SRRM4: variants seen among roughly 807,000 people sequenced by gnomAD.
SRRM4 encodes the protein serine/arginine repetitive matrix 4, also known as serine/arginine repetitive matrix protein 4.
A neutral mutation model predicts 68.9 loss-of-function variants in SRRM4; 33 were observed. The ratio of observed to expected loss-of-function variants is 0.48; its 90% CI spans 0.36 to 0.64. The LOEUF is 0.64. Among genes scored for constraint, SRRM4 ranks in the 30% least tolerant of loss-of-function variants. The pLI, the probability that SRRM4 is intolerant of heterozygous loss-of-function variation, is 0.00. For missense variants in SRRM4, 817 were observed against 827.1 expected (o/e 0.99, Z 0.15); for synonymous variants, 318 against 318.8 (o/e 1.00, Z 0.03).
intron 1 of SRRM4, among the ~76,000 whole-genome samples, chr12:119,015,140 G>A (rs1594027521): frequency 2.0e-5 from 3 of 152,178 alleles, no homozygotes; most frequent in Admixed American, 2.0e-4. Flanking sequence ...GTGAAAAATG[G>A]CAGCCGCAGG....
chr12:119,100,178 G>A (rs1242346306), intron 1 of SRRM4, among the ~76,000 whole-genome samples: 1 of 151,966 alleles, frequency 6.6e-6, no homozygotes, highest in African/African-American at 2.4e-5. Flanking sequence ...TCTGTATGCT[G>A]CTTTAGTCAC....
At chr12:118,985,714 C>A (rs1314031330) in intron 1 of SRRM4, among the ~76,000 whole-genome samples, 1 of 152,146 alleles carries the variant, frequency 6.6e-6, no homozygotes, top group East Asian at 1.9e-4. Context: ...ACTTAATTCT[C>A]TTTTTTAATT....
At chr12:119,075,787 G>A (rs1325452732) in intron 1 of SRRM4, among the ~76,000 whole-genome samples, 4 of 133,160 alleles carry the variant, frequency 3.0e-5, no homozygotes, top group Non-Finnish European at 6.6e-5. Flanking sequence ...TGATGATAGC[G>A]ATGATGGTGA....
At chr12:119,093,102 C>T (rs1954023766) in intron 1 of SRRM4, among the ~76,000 whole-genome samples, 1 of 152,140 alleles carries the variant, frequency 6.6e-6, no homozygotes, top group African/African-American at 2.4e-5. Context: ...CTCTGATTAC[C>T]CAGTTTAAAA....
At chr12:119,111,391 A>G (rs1479757034) in intron 2 of SRRM4, among the ~76,000 whole-genome samples, 2 of 152,156 alleles carry the variant, frequency 1.3e-5, no homozygotes, top group Non-Finnish European at 2.9e-5. Context: ...ACACACCTCA[A>G]ATGTCTCCAA....
intron 1 of SRRM4, among the ~76,000 whole-genome samples, chr12:119,045,061 C>T (rs1263138726): frequency 5.9e-5 from 9 of 152,134 alleles, no homozygotes; most frequent in Admixed American, 3.9e-4. Context: ...GGGTCTGACC[C>T]GTAGAAGGTG....
chr12:119,088,947 C>A lies in SRRM4; in HGVS notation c.132-13289C>A, dbSNP rs565194098. On this transcript the variant is annotated intron_variant, in intron 1 of 12. Transcript: ENST00000267260. Reference sequence around the variant, plus strand: ...ACTTTGCGTGCATCATCTCCAGGAGCTGGACACTATCGTTATCCCAGTTTT... The same window carrying A: ...ACTTTGCGTGCATCATCTCCAGGAGATGGACACTATCGTTATCCCAGTTTT... Among the ~76,000 whole-genome samples, 4 of 152,312 alleles carry A rather than the reference C, an allele frequency of 2.6e-5. No individual in the cohort carries two copies. In the South Asian group the frequency reaches 8.3e-4, roughly 32 times the overall value.
At chr12:119,030,106 T>A (rs554052649) in intron 1 of SRRM4, among the ~76,000 whole-genome samples, 1 of 152,302 alleles carries the variant, frequency 6.6e-6, no homozygotes, top group Admixed American at 6.5e-5. Flanking sequence ...CAGAGGTAAC[T>A]GAAATGCGAG....
intron 6 of SRRM4, among the ~76,000 whole-genome samples, chr12:119,124,736 T>A (rs745672940): frequency 1.1e-4 from 16 of 152,178 alleles, no homozygotes; most frequent in Non-Finnish European, 1.9e-4. Flanking sequence ...GCTAAGAACC[T>A]GGACTTAATT....
At chr12:118,988,792 G>T (rs1376307285) in intron 1 of SRRM4, among the ~76,000 whole-genome samples, 1 of 152,160 alleles carries the variant, frequency 6.6e-6, no homozygotes, top group Non-Finnish European at 1.5e-5. Flanking sequence ...AATGAGAGCT[G>T]GTGGTAATGC....
chr12:119,072,370 C>G (rs1953883317), intron 1 of SRRM4, among the ~76,000 whole-genome samples: 1 of 152,188 alleles, frequency 6.6e-6, no homozygotes, highest in South Asian at 2.1e-4. Flanking sequence ...TCCTTCCCTA[C>G]CTTCTCCCCA....
intron 1 of SRRM4, among the ~76,000 whole-genome samples, chr12:119,079,815 T>G (rs1322511333): frequency 6.6e-6 from 1 of 151,996 alleles, no homozygotes; most frequent in Admixed American, 6.6e-5. Context: ...ACTAGTCAAG[T>G]GGGGTAATGT....
chr12:119,058,881 T>C (rs1953793418), intron 1 of SRRM4, among the ~76,000 whole-genome samples: 1 of 152,206 alleles, frequency 6.6e-6, no homozygotes, highest in African/African-American at 2.4e-5. Flanking sequence ...TTTGGTGTCT[T>C]CCACCCCATC....
chr12:119,064,602 AG>A (rs2136023184), intron 1 of SRRM4, among the ~76,000 whole-genome samples: 1 of 152,320 alleles, frequency 6.6e-6, no homozygotes, highest in African/African-American at 2.4e-5. Context: ...GTGTGACCTT[AG>A]GCAAGCCACT....
At chr12:119,004,107 C>T (rs1042797737) in intron 1 of SRRM4, among the ~76,000 whole-genome samples, 3 of 151,944 alleles carry the variant, frequency 2.0e-5, no homozygotes, top group Non-Finnish European at 4.4e-5. Context: ...AAATATCCAC[C>T]TTGGTACCAA....
rs533824384 is a variant in SRRM4, at chr12:118,990,584, G to C, written c.131+8571G>C. ...CATTCTGGTTTGGGTTTTAAGGTTG[G>C]GGGTGTTTTTGTTTTGTTTTGCTCA... On this transcript the variant is annotated intron_variant, in intron 1 of 12. Transcript: ENST00000267260. Among the ~76,000 whole-genome samples the C allele has an allele frequency of 7.9e-5, 12 of 152,156 alleles. No individual in the cohort carries two copies. The East Asian group carries it at 1.7e-3, about 22-fold the overall frequency.
intron 8 of SRRM4, among the ~76,000 whole-genome samples, chr12:119,134,480 T>G (rs1954316676): frequency 2.0e-5 from 3 of 151,694 alleles, no homozygotes; most frequent in Non-Finnish European, 4.4e-5. Flanking sequence ...CAATATAGTG[T>G]GATCATTTTG....
intron 1 of SRRM4, among the ~76,000 whole-genome samples, chr12:119,033,010 G>A (rs957476059): frequency 1.1e-4 from 16 of 151,818 alleles, no homozygotes; most frequent in African/African-American, 3.1e-4. Flanking sequence ...TTTATCCTTG[G>A]TTAGATATGA....
intron 1 of SRRM4, among the ~76,000 whole-genome samples, chr12:119,004,183 C>A (rs896150369): frequency 6.6e-6 from 1 of 151,960 alleles, no homozygotes; most frequent in Non-Finnish European, 1.5e-5. Context: ...AGCTGCAGGT[C>A]CCACACACCT....
Sources: gnomAD v4.1 joint callset for allele counts (sites outside exome capture counted in the v4.1 genomes callset) on GRCh38, gnomAD v4.1.1 for gene constraint, MANE v1.5 for transcripts, NCBI Gene and HGNC (gene_info 2026-07-23, HGNC 2026-07-21) for gene names.